The following CLDN16 variants were observed in gnomAD, a reference collection of about 807,000 sequenced individuals.
The protein encoded by CLDN16 is claudin-16.
CLDN16 carries 13 observed loss-of-function variants against 24.6 expected under a neutral mutation model. The ratio of observed to expected loss-of-function variants is 0.53; its 90% CI spans 0.34 to 0.84. CLDN16 has a LOEUF of 0.84. Ranked by LOEUF, CLDN16 falls within the 40% of genes least tolerant of loss-of-function variation. CLDN16 has a pLI of 0.01. For missense variants in CLDN16, 298 were observed against 292.7 expected, an observed-to-expected ratio of 1.02 and a Z score of -0.13; for synonymous variants, 116 against 106.7, an observed-to-expected ratio of 1.09 and a Z score of -0.54.
At chr3:190,371,454 G>A (rs1335221875) in intron 2 of CLDN16, among the ~76,000 whole-genome samples, 2 of 151,826 alleles carry the variant, frequency 1.3e-5, no homozygotes, top group African/African-American at 4.8e-5. Context: ...AGGAACAAGT[G>A]CATCTCTATT....
At chr3:190,351,799 C>T (rs1248605121) in intron 1 of CLDN16, among the ~76,000 whole-genome samples, 1 of 151,866 alleles carries the variant, frequency 6.6e-6, no homozygotes, top group Non-Finnish European at 1.5e-5. Flanking sequence ...ATCACAAAAA[C>T]TTAACGTTAT....
At position 190,395,495 on chromosome 3, in the gene CLDN16, T is replaced by G. The variant is rs181252542; in HGVS notation, c.115-6842T>G. Among the ~76,000 whole-genome samples, 64 of 152,158 alleles carry G rather than the reference T, an allele frequency of 4.2e-4. No individual in the cohort carries two copies. In the East Asian group the frequency reaches 0.012, roughly 28 times the overall value. Reference sequence around the variant, plus strand: ...AAGGTAAAATGTTCAGAGTCTTGGTTGGAAAATTTAAATGCATTTTATGTT... The same window carrying G: ...AAGGTAAAATGTTCAGAGTCTTGGTGGGAAAATTTAAATGCATTTTATGTT... On this transcript the variant is annotated intron_variant, in intron 1 of 4. Coordinates refer to ENST00000264734, the MANE Select transcript of CLDN16 (RefSeq NM_006580.4).
At chr3:190,297,542 GATA>G in the CLDN16 span, among the ~76,000 whole-genome samples, 94 of 136,106 alleles carry the variant, frequency 6.9e-4, no homozygotes, top group African/African-American at 2.3e-3. Flanking sequence ...TAGATATATA[GATA>G]ATAATATAGA....
chr3:190,377,015 G>T (rs1469552614), intron 3 of CLDN16, among the ~76,000 whole-genome samples: 3 of 151,940 alleles, frequency 2.0e-5, no homozygotes, highest in Admixed American at 6.6e-5. Flanking sequence ...CTAGTTAAGT[G>T]CTGAAGGAGT....
the CLDN16 span, among the ~76,000 whole-genome samples, chr3:190,302,373 G>T: frequency 6.6e-6 from 1 of 152,182 alleles, no homozygotes; most frequent in African/African-American, 2.4e-5. Flanking sequence ...CTTCCTGGAA[G>T]AAAGGAATTT....
At position 190,364,299 on chromosome 3, in the gene CLDN16, G is replaced by A. The variant is rs140360975; in HGVS notation, n.122-6594G>A. On this transcript the variant is annotated intron_variant and non_coding_transcript_variant, in intron 1 of 4. Coordinates refer to the CLDN16 transcript ENST00000468220. Reference sequence around the variant, plus strand: ...GGAGATGTAGCAGTATTGCAGTGGTGTATGGCTTGGGAGTCTGGATCACCC... The same window carrying A: ...GGAGATGTAGCAGTATTGCAGTGGTATATGGCTTGGGAGTCTGGATCACCC... Among the ~76,000 whole-genome samples, 212 of 151,782 alleles carry A rather than the reference G, an allele frequency of 1.4e-3. 2 individuals are homozygous for A. The highest frequency in any genetic ancestry group is 4.9e-3 in the African/African-American group (201 of 41,438).
chr3:190,403,810 C>G lies in CLDN16; in HGVS notation c.218-952C>G, dbSNP rs1422393518. 2.6e-5 allele frequency among the ~76,000 whole-genome samples: 4 copies of G among 151,996 alleles called. No homozygotes were observed. In the East Asian group the frequency reaches 7.7e-4, roughly 29 times the overall value. ...TTTCTTTTCCCCTCTCTGTGCTAAC[C>G]TAGTTCTACCTACAAAGAAACACTA... On this transcript the variant is annotated intron_variant, in intron 2 of 4. Transcript: ENST00000264734.
intron 1 of CLDN16, among the ~76,000 whole-genome samples, chr3:190,326,806 T>C (rs537060323): frequency 3.9e-5 from 6 of 152,190 alleles, no homozygotes; most frequent in Non-Finnish European, 8.8e-5. Flanking sequence ...AACCTTCTGT[T>C]TCAGTCATAA....
the CLDN16 span, among the ~76,000 whole-genome samples, chr3:190,295,713 A>G: frequency 2.1e-3 from 326 of 152,284 alleles, 3 homozygotes; most frequent in African/African-American, 7.5e-3. Flanking sequence ...ACAGGCCTCA[A>G]TCTAACAATT....
upstream of CLDN16, among the ~76,000 whole-genome samples, chr3:190,384,733 C>T (rs1411520235): frequency 6.6e-6 from 1 of 152,114 alleles, no homozygotes; most frequent in Non-Finnish European, 1.5e-5. Context: ...AATGTGGGGG[C>T]TCTGAGAATT....
the CLDN16 span, among the ~76,000 whole-genome samples, chr3:190,314,033 A>G: frequency 6.6e-6 from 1 of 152,190 alleles, no homozygotes; most frequent in Non-Finnish European, 1.5e-5. Flanking sequence ...AATATGTGAC[A>G]AGTGTTTTTT....
At chr3:190,296,176 G>A in the CLDN16 span, among the ~76,000 whole-genome samples, 2 of 152,158 alleles carry the variant, frequency 1.3e-5, no homozygotes, top group Non-Finnish European at 2.9e-5. Context: ...ACAATGACGA[G>A]CATAATATAC....
intron 2 of CLDN16, 142 bp from the exon 3 acceptor site, chr3:190,404,620 T>G (rs1421414809): frequency 2.6e-6 from 2 of 779,738 alleles, no homozygotes; most frequent in East Asian, 5.1e-5. Flanking sequence ...GGGGTACTTA[T>G]GTTCAAGTTC....
chr3:190,364,012 ACTAT>A (rs1187317742), intron 1 of CLDN16, among the ~76,000 whole-genome samples: 1 of 151,930 alleles, frequency 6.6e-6, no homozygotes, highest in African/African-American at 2.4e-5. Context: ...TCTTCTCACT[ACTAT>A]CTTTTAGTGT....
intron 1 of CLDN16, among the ~76,000 whole-genome samples, chr3:190,370,465 A>G (rs1323361824): frequency 1.3e-5 from 2 of 151,884 alleles, no homozygotes; most frequent in Non-Finnish European, 2.9e-5. Context: ...AGTTAGTATC[A>G]CTCATTACGG....
chr3:190,344,671 A>T (rs1200899314), intron 1 of CLDN16, among the ~76,000 whole-genome samples: 1 of 151,916 alleles, frequency 6.6e-6, no homozygotes, highest in Non-Finnish European at 1.5e-5. Flanking sequence ...TGTCTTCCAT[A>T]AAAAAGTAGC....
chr3:190,301,214 G>A, the CLDN16 span, among the ~76,000 whole-genome samples: 3 of 152,118 alleles, frequency 2.0e-5, no homozygotes, highest in Admixed American at 6.5e-5. Flanking sequence ...CTATGTCCAG[G>A]TTGGGTGCGG....
At chr3:190,397,990 G>C (rs560267984) in intron 1 of CLDN16, among the ~76,000 whole-genome samples, 1 of 152,210 alleles carries the variant, frequency 6.6e-6, no homozygotes, top group Non-Finnish European at 1.5e-5. Flanking sequence ...TAGTAGGCTA[G>C]TTTGTTTCAG....
At chr3:190,309,829 G>A in the CLDN16 span, among the ~76,000 whole-genome samples, 2 of 152,128 alleles carry the variant, frequency 1.3e-5, no homozygotes, top group African/African-American at 4.8e-5. Flanking sequence ...TTAGGTAGGT[G>A]TTGTAAACAT....
Sources: gnomAD v4.1 joint callset for allele counts (sites outside exome capture counted in the v4.1 genomes callset) on GRCh38, gnomAD v4.1.1 for gene constraint, MANE v1.5 for transcripts, NCBI Gene and HGNC (gene_info 2026-07-23, HGNC 2026-07-21) for gene names.